Variants in TMOD2 observed in about 807,000 individuals in gnomAD.
TMOD2 encodes the protein tropomodulin-2.
In TMOD2, 22 loss-of-function variants were observed where a neutral mutation model predicts 39.9. The observed-to-expected ratio is 0.55, with a 90% confidence interval of 0.39 to 0.79. TMOD2 has a LOEUF of 0.79. TMOD2 is among the 30% of genes least tolerant of loss of function. TMOD2 has a pLI of 0.00. For missense variants in TMOD2, 386 were observed against 413.3 expected (o/e 0.93, Z 0.57); for synonymous variants, 123 against 146.1 (o/e 0.84, Z 1.14).
chr15:51,801,217 C>CCTCT (rs71127202), intron 8 of TMOD2, among the ~76,000 whole-genome samples: 296 of 119,364 alleles, frequency 2.5e-3, no homozygotes, highest in East Asian at 6.8e-3. Flanking sequence ...ATTCTCTCTC[C>CCTCT]CTCTCTCTCT....
Position 51,777,032 on chromosome 15 carries a change from C to T in TMOD2, c.493+14C>T. On this transcript the variant is annotated intron_variant, in intron 5 of 9. Coordinates refer to ENST00000249700, the MANE Select transcript of TMOD2 (RefSeq NM_014548.4). ...GACCTGTCAGAAGTAAGTTGATGTGCAATCTGTGGTTTTGTAAAGCTTTGG... is the reference window on the plus strand; with the variant it reads ...GACCTGTCAGAAGTAAGTTGATGTGTAATCTGTGGTTTTGTAAAGCTTTGG... 1 of 1,587,682 alleles carries T rather than the reference C, an allele frequency of 6.3e-7. No individual in the cohort carries two copies.
intron 7 of TMOD2, among the ~76,000 whole-genome samples, chr15:51,790,968 C>G (rs962827766): frequency 6.6e-6 from 1 of 152,174 alleles, no homozygotes; most frequent in Non-Finnish European, 1.5e-5. Flanking sequence ...CCTCTCTCAC[C>G]ACTCCTATTC....
rs556125157 is a variant in TMOD2 at position 51,801,796 on chromosome 15, G to T, written c.876+3456G>T. Among the ~76,000 whole-genome samples, 8 of 152,172 alleles carry T rather than the reference G, an allele frequency of 5.3e-5. No homozygotes were observed. In the South Asian group the frequency reaches 1.7e-3, roughly 32 times the overall value. On this transcript the variant is annotated intron_variant, in intron 8 of 9. Coordinates refer to ENST00000249700, the MANE Select transcript of TMOD2 (RefSeq NM_014548.4). ...CATTTGTTTCTATTTTTCCCCCTTT[G>T]TGTTTGGTGACTTAAAATATAAAAA... is the stretch of plus-strand genomic sequence containing the variant.
chr15:51,785,729 T>C (rs1017777713), intron 7 of TMOD2, among the ~76,000 whole-genome samples: 5 of 152,004 alleles, frequency 3.3e-5, no homozygotes, highest in Non-Finnish European at 5.9e-5. Flanking sequence ...ATACAGTTAG[T>C]TAGAAGGAAT....
intron 1 of TMOD2, among the ~76,000 whole-genome samples, chr15:51,761,879 G>T (rs892299648): frequency 6.6e-6 from 1 of 152,138 alleles, no homozygotes; most frequent in South Asian, 2.1e-4. Context: ...CGGGCACGGT[G>T]GCTCATGCCT....
intron 3 of TMOD2, among the ~76,000 whole-genome samples, chr15:51,772,284 C>A (rs935270814): frequency 1.4e-4 from 22 of 152,296 alleles, no homozygotes; most frequent in Non-Finnish European, 2.6e-4. Flanking sequence ...ATTTCAAAGA[C>A]TGTGCCCCAA....
At chr15:51,794,807 C>G (rs984483296) in intron 7 of TMOD2, among the ~76,000 whole-genome samples, 2 of 152,110 alleles carry the variant, frequency 1.3e-5, no homozygotes, top group Admixed American at 6.5e-5. Context: ...TAGTTCTATA[C>G]TTAATTTTCC....
chr15:51,770,039 TAAAC>T (rs1023993492), intron 3 of TMOD2, among the ~76,000 whole-genome samples: 2 of 151,970 alleles, frequency 1.3e-5, no homozygotes, highest in Non-Finnish European at 2.9e-5. Context: ...TCAAAATAAA[TAAAC>T]AAACAAACCA....
chr15:51,792,411 G>T (rs546748566), intron 7 of TMOD2, among the ~76,000 whole-genome samples: 42 of 152,296 alleles, frequency 2.8e-4, no homozygotes, highest in African/African-American at 8.9e-4. Flanking sequence ...TTACACTGTT[G>T]GTGGGAGTAT....
intron 3 of TMOD2, among the ~76,000 whole-genome samples, chr15:51,769,691 A>G (rs916868740): frequency 5.9e-5 from 9 of 152,182 alleles, no homozygotes; most frequent in African/African-American, 1.4e-4. Flanking sequence ...AAAGATTCTA[A>G]TGGAATTATT....
chr15:51,782,806 G>T lies in TMOD2; in HGVS notation c.710G>T (p.Arg237Leu). 1 of 1,613,906 alleles carries T rather than the reference G, an allele frequency of 6.2e-7. No individual in the cohort carries two copies. ...HVKKFSLAATRSNDPVAIAFA... is the reference protein window; with the variant it reads ...HVKKFSLAATLSNDPVAIAFA... ...AAGAAGTTCAGCCTGGCCGCAACTCGCAGCAATGACCCTGTGGCCATTGTG... is the reference window on the plus strand; with the variant it reads ...AAGAAGTTCAGCCTGGCCGCAACTCTCAGCAATGACCCTGTGGCCATTGTG... Residue 237 changes from arginine (R) to leucine (L), a missense_variant, in exon 7 of 10, where the codon CGC becomes CTC. Arg to Leu is a moderately radical substitution (Grantham distance 102). Coordinates refer to ENST00000249700, the MANE Select transcript of TMOD2 (RefSeq NM_014548.4).
At chr15:51,799,668 T>C (rs2056075622) in intron 8 of TMOD2, among the ~76,000 whole-genome samples, 1 of 152,214 alleles carries the variant, frequency 6.6e-6, no homozygotes, top group African/African-American at 2.4e-5. Flanking sequence ...GGAAGTTCGA[T>C]GCTGTGTATC....
At chr15:51,805,784 G>C (rs2056118140) in intron 8 of TMOD2, among the ~76,000 whole-genome samples, 1 of 151,978 alleles carries the variant, frequency 6.6e-6, no homozygotes. Context: ...ATCCACAAAA[G>C]TCAAAATTAA....
intron 1 of TMOD2, among the ~76,000 whole-genome samples, chr15:51,755,886 G>A (rs2055738357): frequency 6.6e-6 from 1 of 151,644 alleles, no homozygotes; most frequent in South Asian, 2.1e-4. Context: ...AGAAAGGAGG[G>A]CACATGAATC....
chr15:51,801,965 A>G (rs1375682075), intron 8 of TMOD2, among the ~76,000 whole-genome samples: 1 of 150,430 alleles, frequency 6.6e-6, no homozygotes, highest in Non-Finnish European at 1.5e-5. Flanking sequence ...AATAAAAGTT[A>G]TATAATTTAA....
intron 1 of TMOD2, among the ~76,000 whole-genome samples, chr15:51,757,144 G>T (rs1184532347): frequency 6.6e-6 from 1 of 152,234 alleles, no homozygotes; most frequent in African/African-American, 2.4e-5. Context: ...GCTCACGCCT[G>T]TAATCCCAGC....
chr15:51,787,905 A>G (rs1327702237), intron 7 of TMOD2, among the ~76,000 whole-genome samples: 1 of 152,244 alleles, frequency 6.6e-6, no homozygotes, highest in Non-Finnish European at 1.5e-5. Flanking sequence ...GGGAGAAACC[A>G]GAGCAGAAAG....
chr15:51,807,120 T>C (rs2056126213), intron 9 of TMOD2, among the ~76,000 whole-genome samples: 2 of 152,186 alleles, frequency 1.3e-5, no homozygotes. Flanking sequence ...TGGGAAAGCT[T>C]GGTCTGAGGA....
At chr15:51,783,591 T>C (rs534521276) in intron 7 of TMOD2, 9 of 152,028 alleles carry the variant, frequency 5.9e-5, no homozygotes, top group Non-Finnish European at 1.0e-4. Context: ...GACACCAGAA[T>C]GTGAAAAAAA....
Sources: allele counts gnomAD v4.1 joint callset (sites outside exome capture counted in the v4.1 genomes callset), GRCh38; gene constraint gnomAD v4.1.1; transcripts MANE v1.5; gene names NCBI Gene and HGNC (gene_info 2026-07-23, HGNC 2026-07-21).